The following FRMD4A variants were observed in gnomAD, a reference collection of about 807,000 sequenced individuals.
FRMD4A encodes the protein FERM domain-containing protein 4A.
In FRMD4A, 29 loss-of-function variants were observed where a neutral mutation model predicts 129.1. That is an observed-to-expected ratio of 0.22 (90% CI 0.17 to 0.31). The LOEUF is 0.31. Among genes scored for constraint, FRMD4A ranks in the 10% least tolerant of loss-of-function variants. The probability of loss-of-function intolerance (pLI) is 1.00; values close to 1 mark genes in which losing one functional copy is unlikely to be tolerated. For synonymous variants in FRMD4A, 634 were observed against 571.6 expected, an observed-to-expected ratio of 1.11 and a Z score of -1.56; for missense variants, 1,272 against 1,375.8, an observed-to-expected ratio of 0.92 and a Z score of 1.19.
At position 13,947,188 on chromosome 10, in the gene FRMD4A, T is replaced by A. The variant is rs143026017; in HGVS notation, c.46-88276A>T. The stretch of plus-strand genomic sequence containing the variant: ...GGAGACCTGAGTGTCCCAGGGGTTT[T>A]GGGGACAAGGAATAGAGCAGTTGAC... On this transcript the variant is annotated intron_variant, in intron 2 of 24. Coordinates refer to ENST00000357447, the MANE Select transcript of FRMD4A (RefSeq NM_018027.5). 4.8e-3 allele frequency among the ~76,000 whole-genome samples: 737 copies of A among 152,250 alleles called. 5 individuals carry two copies. The highest frequency in any genetic ancestry group is 0.034 in the Middle Eastern group (10 of 292).
At chr10:14,148,990 A>C (rs1840216221) in intron 2 of FRMD4A, among the ~76,000 whole-genome samples, 1 of 152,200 alleles carries the variant, frequency 6.6e-6, no homozygotes, top group Non-Finnish European at 1.5e-5. Context: ...TATAATATGC[A>C]CATCACTGAA....
chr10:14,252,324 A>C (rs1183597528), intron 2 of FRMD4A, among the ~76,000 whole-genome samples: 4 of 152,238 alleles, frequency 2.6e-5, no homozygotes, highest in African/African-American at 9.6e-5. Flanking sequence ...TCTAATCTAC[A>C]TATCTTGAGA....
intron 5 of FRMD4A, among the ~76,000 whole-genome samples, chr10:13,791,734 CA>C (rs1365124789): frequency 1.2e-4 from 19 of 152,142 alleles, no homozygotes; most frequent in African/African-American, 4.6e-4. Context: ...GATGATGATG[CA>C]GAAACAGCCC....
At chr10:14,136,654 T>A (rs1839550297) in intron 2 of FRMD4A, among the ~76,000 whole-genome samples, 1 of 152,130 alleles carries the variant, frequency 6.6e-6, no homozygotes, top group Non-Finnish European at 1.5e-5. Flanking sequence ...ACCTGGAACC[T>A]ACCCCCACCC....
intron 24 of FRMD4A, chr10:13,651,187 C>T (rs1051094339): frequency 6.6e-5 from 10 of 152,206 alleles, no homozygotes; most frequent in Non-Finnish European, 1.0e-4. Flanking sequence ...AGCTTTCTAA[C>T]GAGCTCCCAG....
At chr10:13,744,361 C>A (rs1450148571) in intron 9 of FRMD4A, among the ~76,000 whole-genome samples, 1 of 152,116 alleles carries the variant, frequency 6.6e-6, no homozygotes, top group Non-Finnish European at 1.5e-5. Context: ...ACAGGGAAAT[C>A]GCACGGTGTG....
intron 23 of FRMD4A, 85 bp from the exon 24 acceptor site, chr10:13,652,059 CTTA>C: frequency 3.8e-6 from 3 of 799,466 alleles, no homozygotes; most frequent in South Asian, 1.4e-5. Flanking sequence ...CGATTAGTAG[CTTA>C]TTAATATATC....
At chr10:13,972,273 A>G in intron 2 of FRMD4A, 3 of 989,758 alleles carry the variant, frequency 3.0e-6, no homozygotes, top group Non-Finnish European at 3.6e-6. Flanking sequence ...TTCCCCAGAC[A>G]TTCCATCCCT....
chr10:13,867,785 TATATA>T (rs1303403818), intron 2 of FRMD4A, among the ~76,000 whole-genome samples: 10 of 132,160 alleles, frequency 7.6e-5, no homozygotes, highest in African/African-American at 1.4e-4. Context: ...ATATAATAAA[TATATA>T]ATATAATATA....
chr10:13,787,287 G>A (rs75593053), intron 5 of FRMD4A, among the ~76,000 whole-genome samples: 1,534 of 152,224 alleles, frequency 0.01, 50 homozygotes, highest in East Asian at 0.099. Flanking sequence ...CTCATCCTGA[G>A]CTTTCCCTCC....
intron 2 of FRMD4A, among the ~76,000 whole-genome samples, chr10:14,234,095 C>A (rs1843721353): frequency 6.6e-6 from 1 of 152,190 alleles, no homozygotes; most frequent in African/African-American, 2.4e-5. Flanking sequence ...CGATCTCACC[C>A]TGCTCAGCCA....
intron 2 of FRMD4A, among the ~76,000 whole-genome samples, chr10:14,156,429 A>T (rs1840606114): frequency 6.6e-6 from 1 of 152,218 alleles, no homozygotes; most frequent in Admixed American, 6.5e-5. Flanking sequence ...CTTAGATATC[A>T]TCTCTTGAGA....
At chr10:13,672,774 C>T (rs949697471) in intron 16 of FRMD4A, among the ~76,000 whole-genome samples, 2 of 152,094 alleles carry the variant, frequency 1.3e-5, no homozygotes, top group Admixed American at 6.6e-5. Context: ...ATACTCTGAG[C>T]TGAGGGGAGA....
intron 2 of FRMD4A, among the ~76,000 whole-genome samples, chr10:14,040,020 G>A (rs192236862): frequency 2.6e-5 from 4 of 152,276 alleles, no homozygotes; most frequent in African/African-American, 7.2e-5. Context: ...TGTTCCAAGT[G>A]CCTTAGAAAT....
chr10:13,814,673 GAGAA>G (rs113476895), intron 3 of FRMD4A, among the ~76,000 whole-genome samples: 2,374 of 147,962 alleles, frequency 0.016, 73 homozygotes, highest in African/African-American at 0.056. Flanking sequence ...CAGAGAGCAA[GAGAA>G]AGAAAGAGAG....
At chr10:14,237,189 T>G (rs908659467) in intron 2 of FRMD4A, among the ~76,000 whole-genome samples, 5 of 151,806 alleles carry the variant, frequency 3.3e-5, no homozygotes, top group Non-Finnish European at 7.4e-5. Context: ...GAACCTGGAG[T>G]GACGAGCACT....
intron 12 of FRMD4A, among the ~76,000 whole-genome samples, chr10:13,715,487 TG>T (rs2088690294): frequency 1.3e-5 from 2 of 152,260 alleles, no homozygotes; most frequent in African/African-American, 4.8e-5. Context: ...CAATTGAATT[TG>T]TGCCTTAGTT....
chr10:14,200,419 G>C (rs1467503012), intron 2 of FRMD4A, among the ~76,000 whole-genome samples: 1 of 152,072 alleles, frequency 6.6e-6, no homozygotes, highest in Admixed American at 6.6e-5. Flanking sequence ...TCTGTCTCCA[G>C]AGTAGCTGGG....
At chr10:14,001,517 C>A (rs1278641995) in intron 2 of FRMD4A, among the ~76,000 whole-genome samples, 1 of 152,208 alleles carries the variant, frequency 6.6e-6, no homozygotes, top group Non-Finnish European at 1.5e-5. Context: ...CCCATAGAGA[C>A]AGCCTTTCCT....
Sources: allele counts gnomAD v4.1 joint callset (sites outside exome capture counted in the v4.1 genomes callset), GRCh38; gene constraint gnomAD v4.1.1; transcripts MANE v1.5; gene names NCBI Gene and HGNC (gene_info 2026-07-23, HGNC 2026-07-21).